LGR4: variants seen among roughly 807,000 people sequenced by gnomAD.
LGR4 encodes leucine-rich repeat-containing G protein-coupled receptor 4.
LGR4 carries 44 observed loss-of-function variants against 84.8 expected under a neutral mutation model. The ratio of observed to expected loss-of-function variants is 0.52; its 90% confidence interval spans 0.41 to 0.67. The LOEUF (loss-of-function observed/expected upper bound fraction) is 0.67. LGR4 is among the 30% of genes least tolerant of loss of function. The probability of loss-of-function intolerance (pLI) is 0.00; values close to 1 mark genes in which losing one functional copy is unlikely to be tolerated. For missense variants in LGR4, 1,032 were observed against 1,131.4 expected (o/e 0.91, Z 1.26); for synonymous variants, 429 against 434.3 (o/e 0.99, Z 0.15).
chr11:27,431,636 C>G (rs2133421717), intron 1 of LGR4, among the ~76,000 whole-genome samples: 1 of 152,318 alleles, frequency 6.6e-6, no homozygotes, highest in South Asian at 2.1e-4. Flanking sequence ...TGTTTTTCTT[C>G]TTCCATGACT....
intron 5 of LGR4, among the ~76,000 whole-genome samples, chr11:27,384,867 T>C (rs753568360): frequency 1.3e-5 from 2 of 152,142 alleles, no homozygotes; most frequent in Non-Finnish European, 2.9e-5. Flanking sequence ...AAAAACACAC[T>C]GCATCACATA....
chr11:27,373,599 T>C lies in LGR4; in HGVS notation c.1331A>G (p.Asn444Ser), dbSNP rs754750270. The change falls in exon 15 of 18, where the codon AAC (asparagine) becomes AGC (serine). Residue 444 changes from asparagine to serine, a missense_variant. Coordinates refer to ENST00000379214, the MANE Select transcript of LGR4 (RefSeq NM_018490.5). ...NGLNQLKLVG[N>S]FKLKEALAAK... ...TGCTAAGGCTTCTTTCAGCTTGAAG[T>C]TGCCCACAAGTTTCAGTTGATTTAG... The C allele has an allele frequency of 3.7e-6, 6 of 1,602,646 alleles. No homozygotes were observed. The highest frequency in any genetic ancestry group is 1.7e-4 in the Middle Eastern group (1 of 6,024).
chr11:27,396,575 G>C (rs1355557179), intron 2 of LGR4, among the ~76,000 whole-genome samples: 1 of 151,934 alleles, frequency 6.6e-6, no homozygotes, highest in Non-Finnish European at 1.5e-5. Context: ...AGGAAAAAGA[G>C]GTGGCTGATC....
rs1462333332 is a variant in LGR4, at chr11:27,373,967, C to A, written c.1253+8G>T. The A allele has an allele frequency of 1.3e-6, 2 of 1,581,154 alleles. No individual in the cohort carries two copies. The highest frequency in any genetic ancestry group is 1.7e-6 in the Non-Finnish European group (2 of 1,150,234). On this transcript the variant is annotated splice_region_variant and intron_variant, in intron 14 of 17. Transcript: ENST00000379214. ...TTTCATGACATTACTGCATAATCAT[C>A]CACTTACAGGTTAGTTATTGGCCCA...
chr11:27,393,939 T>TGGGGGGGGG (rs1336757147), intron 2 of LGR4, among the ~76,000 whole-genome samples: 1 of 10,296 alleles, frequency 9.7e-5, no homozygotes, highest in Non-Finnish European at 3.2e-4. Context: ...CACTGAAGAT[T>TGGGGGGGGG]GGGGGGGGGG....
At chr11:27,390,041 T>G (rs1376961240) in intron 4 of LGR4, among the ~76,000 whole-genome samples, 3 of 152,156 alleles carry the variant, frequency 2.0e-5, no homozygotes, top group Admixed American at 1.3e-4. Context: ...AGTTTAAAGT[T>G]TAACTTTACA....
At chr11:27,385,030 A>G (rs781773109) in intron 5 of LGR4, among the ~76,000 whole-genome samples, 5 of 152,158 alleles carry the variant, frequency 3.3e-5, no homozygotes, top group Non-Finnish European at 7.3e-5. Flanking sequence ...TCTTCTCATG[A>G]TTATAACTGG....
chr11:27,386,951 A>G (rs1430950850), intron 4 of LGR4, among the ~76,000 whole-genome samples: 1 of 152,198 alleles, frequency 6.6e-6, no homozygotes, highest in South Asian at 2.1e-4. Context: ...CTGGCTACAG[A>G]GCGGCAAAGT....
intron 17 of LGR4, 72 bp from the exon 18 acceptor site, chr11:27,369,215 T>A (rs944705168): frequency 1.6e-6 from 2 of 1,219,020 alleles, no homozygotes; most frequent in Non-Finnish European, 2.2e-6. Context: ...TGATATGGCT[T>A]GATAGAAAAA....
At chr11:27,441,459 A>G (rs990973219) in intron 1 of LGR4, among the ~76,000 whole-genome samples, 1 of 151,806 alleles carries the variant, frequency 6.6e-6, no homozygotes, top group African/African-American at 2.4e-5. Flanking sequence ...TTTCATCATT[A>G]CATAAAAAAT....
Position 27,367,908 on chromosome 11 carries a change from A to T in LGR4, c.2815T>A (p.Leu939Met). 2 of 1,606,236 alleles carry T rather than the reference A, an allele frequency of 1.2e-6. No individual in the cohort carries two copies. Among genetic ancestry groups the T allele is most frequent in the Non-Finnish European group, 1.7e-6 (2 of 1,177,976 alleles). The stretch of plus-strand genomic sequence containing the variant: ...GGTAGATTGTAAGCATAGCGCACCA[A>T]AGGGAATCCTCTACTCTGGTAGAAG... ...ACFYQSRGFP[L>M]VRYAYNLPRV... Residue 939 changes from leucine (L) to methionine (M), a missense_variant, in exon 18 of 18, where the codon TTG (leucine) becomes ATG (methionine). By Grantham distance (15) the Leu-to-Met change is conservative (BLOSUM62 2). Transcript: ENST00000379214.
chr11:27,382,307 T>C, intron 6 of LGR4, 51 bp from the exon 7 acceptor site: 1 of 1,181,596 alleles, frequency 8.5e-7, no homozygotes. Context: ...GTGGTCATAA[T>C]TCATAAGGCA....
intron 15 of LGR4, 30 bp from the exon 16 acceptor site, chr11:27,372,428 G>A (rs756171025): frequency 2.6e-6 from 3 of 1,174,194 alleles, no homozygotes; most frequent in South Asian, 2.4e-5. Context: ...AATCTACACT[G>A]AACAGCAACT....
chr11:27,420,777 G>C (rs1863911585), intron 1 of LGR4, among the ~76,000 whole-genome samples: 2 of 152,076 alleles, frequency 1.3e-5, no homozygotes, highest in Non-Finnish European at 2.9e-5. Context: ...TTGGGGGAAG[G>C]TGGAGGGCGC....
intron 17 of LGR4, among the ~76,000 whole-genome samples, chr11:27,369,809 T>TG (rs1304411083): frequency 3.9e-5 from 6 of 152,320 alleles, no homozygotes; most frequent in African/African-American, 1.4e-4. Context: ...AGCAACCTGA[T>TG]GAAGCAGGTT....
At chr11:27,412,925 A>G in intron 1 of LGR4, 65 bp from the exon 2 acceptor site, 3 of 1,048,594 alleles carry the variant, frequency 2.9e-6, no homozygotes, top group African/African-American at 3.1e-5. Context: ...ATTTAATCCA[A>G]CAGAAAACTA....
At position 27,368,248 on chromosome 11, in the gene LGR4, T is replaced by C. The variant is rs776143965; in HGVS notation, c.2475A>G (p.Ser825=). 1.6e-5 allele frequency: 26 copies of C among 1,614,132 alleles called. No individual in the cohort carries two copies. In the South Asian group the frequency reaches 2.1e-4, roughly 13 times the overall value. The part of the protein sequence containing the change: ...LKRRVTKKSG[S]VSVSISSQGG... ...CTTGGCTACTGATGGAAACTGAAACTGATCCACTTTTCTTGGTAACACGTC... is the reference window on the plus strand; with the variant it reads ...CTTGGCTACTGATGGAAACTGAAACCGATCCACTTTTCTTGGTAACACGTC... The change falls in exon 18 of 18, where the codon TCA becomes TCG. Residue 825 remains serine, a synonymous_variant. Transcript: ENST00000379214.
chr11:27,447,255 T>C (rs1217348219), intron 1 of LGR4, among the ~76,000 whole-genome samples: 3 of 152,118 alleles, frequency 2.0e-5, no homozygotes, highest in Non-Finnish European at 4.4e-5. Context: ...CAGGAGTGGT[T>C]GCACAAGATA....
chr11:27,432,693 A>G (rs1443489727), intron 1 of LGR4, among the ~76,000 whole-genome samples: 2 of 152,152 alleles, frequency 1.3e-5, no homozygotes, highest in African/African-American at 4.8e-5. Context: ...AGGACCCCCC[A>G]TTGCTTCTGG....
Sources: allele counts gnomAD v4.1 joint callset (sites outside exome capture counted in the v4.1 genomes callset), GRCh38; gene constraint gnomAD v4.1.1; transcripts MANE v1.5; gene names NCBI Gene and HGNC (gene_info 2026-07-23, HGNC 2026-07-21).